TLR2: variants seen among roughly 807,000 people sequenced by gnomAD.
TLR2 encodes toll like receptor 2, also known as toll-like receptor 2.
In TLR2, 7 loss-of-function variants were observed where a neutral mutation model predicts 9.1. That is an observed-to-expected ratio of 0.77 (90% CI 0.44 to 1.44). The LOEUF (loss-of-function observed/expected upper bound fraction) is 1.44. TLR2 is among the 40% of genes most tolerant of loss of function. TLR2 has a pLI of 0.01. For missense variants in TLR2, 812 were observed against 904.6 expected, an observed-to-expected ratio of 0.90 and a Z score of 1.31; for synonymous variants, 317 against 344.6, an observed-to-expected ratio of 0.92 and a Z score of 0.89.
chr4:153,694,941 G>A (rs1040173088), intron 2 of TLR2, among the ~76,000 whole-genome samples: 3 of 152,110 alleles, frequency 2.0e-5, no homozygotes, highest in Non-Finnish European at 4.4e-5. Flanking sequence ...TTGTCTTTCT[G>A]TGCCTTATTT....
At position 153,704,159 on chromosome 4, in the gene TLR2, A is replaced by G. The variant is rs761907544; in HGVS notation, c.1252A>G (p.Ile418Val). 7.4e-6 allele frequency: 12 copies of G among 1,613,644 alleles called. No individual in the cohort carries two copies. Among genetic ancestry groups the G allele is most frequent in the East Asian group, 2.2e-5 (1 of 44,878 alleles). ...TLLTLKNLTN[I>V]DISKNSFHSM... ...GCTCACTCTGAAAAACTTGACTAAC[A>G]TTGATATCAGTAAGAATAGTTTTCA... Residue 418 changes from isoleucine to valine, a missense_variant, in exon 3 of 3, where the codon ATT (isoleucine) becomes GTT (valine). Ile to Val is a conservative substitution (Grantham distance 29, BLOSUM62 3). Transcript: ENST00000642700.
In TLR2 at chr4:153,704,192, C is replaced by T. The variant is rs755887276; in HGVS notation, c.1285C>T (p.Pro429Ser). The T allele has an allele frequency of 9.9e-6, 16 of 1,613,990 alleles. No individual in the cohort carries two copies. The highest frequency in any genetic ancestry group is 3.4e-6 in the Non-Finnish European group (4 of 1,180,016). The change falls in exon 3 of 3, where the codon CCT becomes TCT. Residue 429 changes from proline (P) to serine (S), a missense_variant. Pro to Ser is a moderately conservative substitution (Grantham distance 74). Transcript: ENST00000642700. ...DISKNSFHSMPETCQWPEKMK... is the reference protein window; with the variant it reads ...DISKNSFHSMSETCQWPEKMK... ...CAGTAAGAATAGTTTTCATTCTATG[C>T]CTGAAACTTGTCAGTGGCCAGAAAA...
chr4:153,688,066 T>TTGAGCA lies in TLR2; in HGVS notation c.-17+20_-17+25dup, dbSNP rs370173461. ...GTTGTGGGTAAGTTCCTGCTCAGAC[T>TTGAGCA]TGAGCACTATACATTTGCATTTTCA... On this transcript the variant is annotated intron_variant, in intron 2 of 2. Transcript: ENST00000642700. 6 of 152,342 alleles carry TTGAGCA rather than the reference T, an allele frequency of 3.9e-5. No homozygotes were observed. The highest frequency in any genetic ancestry group is 1.4e-4 in the African/African-American group (6 of 41,574). 9.4% of individuals were successfully genotyped at this position (152,342 alleles called of 1,614,324 possible).
intron 1 of TLR2, among the ~76,000 whole-genome samples, chr4:153,684,612 CCCT>C (rs1387742041): frequency 6.6e-6 from 1 of 152,216 alleles, no homozygotes; most frequent in African/African-American, 2.4e-5. Flanking sequence ...CTCAGGTCGG[CCCT>C]CGGGAGAAGC....
rs902595165 is a variant in TLR2 at position 153,702,967 on chromosome 4, A to G, written c.60A>G (p.Glu20=). ...GGGTCATCATCAGCCTCTCCAAGGA[A>G]GAATCCTCCAATCAGGCTTCTCTGT... ...VLGVIISLSK[E]ESSNQASLSC... The change falls in exon 3 of 3, where the codon GAA becomes GAG. Residue 20 remains glutamate, a synonymous_variant. Coordinates refer to ENST00000642700, the MANE Select transcript of TLR2 (RefSeq NM_001318789.2). 6.2e-7 allele frequency: 1 copy of G among 1,614,098 alleles called. No homozygotes were observed. The highest frequency in any genetic ancestry group is 1.1e-5 in the South Asian group (1 of 91,066).
chr4:153,703,164 A>T lies in TLR2; in HGVS notation c.257A>T (p.Asn86Ile), dbSNP rs142041844. 9 of 1,614,044 alleles carry T rather than the reference A, an allele frequency of 5.6e-6. No homozygotes were observed. The highest frequency in any genetic ancestry group is 5.1e-6 in the Non-Finnish European group (6 of 1,180,040). ...VNLQALVLTSNGINTIEEDSF... is the reference protein window; with the variant it reads ...VNLQALVLTSIGINTIEEDSF... The stretch of plus-strand genomic sequence containing the variant: ...CTCCAGGCTCTGGTGCTGACATCCA[A>T]TGGAATTAACACAATAGAGGAAGAT... Residue 86 changes from asparagine (N) to isoleucine (I), a missense_variant, in exon 3 of 3, where the codon AAT becomes ATT. Asn to Ile is a moderately radical substitution (Grantham distance 149). Coordinates refer to ENST00000642700, the MANE Select transcript of TLR2 (RefSeq NM_001318789.2).
downstream of TLR2, chr4:153,710,244 C>T (rs1737470507): frequency 1.4e-6 from 1 of 701,236 alleles, no homozygotes; most frequent in Non-Finnish European, 2.2e-6. Context: ...GGACAAATTG[C>T]TTGACAACAA....
intron 2 of TLR2, among the ~76,000 whole-genome samples, chr4:153,700,540 A>G (rs1332865764): frequency 1.3e-5 from 2 of 152,184 alleles, no homozygotes; most frequent in African/African-American, 4.8e-5. Flanking sequence ...GCCAGTTAAA[A>G]TCTCAGTGGA....
intron 2 of TLR2, among the ~76,000 whole-genome samples, chr4:153,693,493 G>A (rs980215048): frequency 2.6e-5 from 4 of 152,088 alleles, no homozygotes; most frequent in Admixed American, 6.6e-5. Flanking sequence ...GAGAGTGGTC[G>A]CTCGAGGTGC....
At chr4:153,688,587 GGAAACAAAGGGATGGGCC>G (rs928104940) in intron 2 of TLR2, 9 of 152,538 alleles carry the variant, frequency 5.9e-5, no homozygotes, top group African/African-American at 2.2e-4. Context: ...ATTCCTTACA[GGAAACAAAGGGATGGGCC>G]GAAACAAAGG....
intron 2 of TLR2, 146 bp from the exon 3 acceptor site, chr4:153,702,744 TTC>T (rs1197748254): frequency 1.0e-3 from 683 of 652,542 alleles, no homozygotes; most frequent in South Asian, 1.9e-3. Context: ...ATTCATCTGT[TTC>T]TCTCTCTCTC....
intron 2 of TLR2, among the ~76,000 whole-genome samples, chr4:153,700,619 C>A (rs1419293074): frequency 6.6e-6 from 1 of 151,906 alleles, no homozygotes; most frequent in Non-Finnish European, 1.5e-5. Context: ...CAAGAATAAC[C>A]AAGACACATT....
chr4:153,696,111 T>C (rs1898832), intron 2 of TLR2, among the ~76,000 whole-genome samples: 25,516 of 152,112 alleles, frequency 0.17, 2,199 homozygotes, highest in East Asian at 0.28. Flanking sequence ...ATAATGTGAT[T>C]CCTCCAGTTT....
At chr4:153,689,490 G>A (rs1258632348) in intron 2 of TLR2, among the ~76,000 whole-genome samples, 1 of 152,206 alleles carries the variant, frequency 6.6e-6, no homozygotes, top group Non-Finnish European at 1.5e-5. Context: ...GAATCACTGC[G>A]CAGCACCTCT....
chr4:153,706,273 G>A (rs754154546), downstream of TLR2, among the ~76,000 whole-genome samples: 2 of 152,106 alleles, frequency 1.3e-5, no homozygotes, highest in African/African-American at 2.4e-5. Flanking sequence ...TCCCACATCC[G>A]GACTCTGGTC....
At chr4:153,686,123 C>G (rs1290539825) in intron 1 of TLR2, among the ~76,000 whole-genome samples, 1 of 152,166 alleles carries the variant, frequency 6.6e-6, no homozygotes, top group African/African-American at 2.4e-5. Context: ...GAGGGTACAG[C>G]CTTCATAACC....
intron 2 of TLR2, among the ~76,000 whole-genome samples, chr4:153,691,954 G>C (rs537252718): frequency 6.6e-6 from 1 of 152,154 alleles, no homozygotes; most frequent in Non-Finnish European, 1.5e-5. Flanking sequence ...TCTTGAGTGG[G>C]GGCAGCACAA....
At chr4:153,695,864 A>G (rs529920339) in intron 2 of TLR2, among the ~76,000 whole-genome samples, 169 of 152,248 alleles carry the variant, frequency 1.1e-3, no homozygotes, top group African/African-American at 3.5e-3. Context: ...ATATGGCAAG[A>G]TATAGGGGTC....
intron 2 of TLR2, among the ~76,000 whole-genome samples, chr4:153,694,884 A>T (rs192450091): frequency 3.9e-5 from 6 of 152,250 alleles, no homozygotes; most frequent in Admixed American, 3.3e-4. Context: ...CATGAGTTCA[A>T]TTGTTTTAAT....
Sources: gnomAD v4.1 joint callset for allele counts (sites outside exome capture counted in the v4.1 genomes callset) on GRCh38, gnomAD v4.1.1 for gene constraint, MANE v1.5 for transcripts, NCBI Gene and HGNC (gene_info 2026-07-23, HGNC 2026-07-21) for gene names.